TTC28: variants seen among roughly 807,000 people sequenced by gnomAD.
TTC28 encodes tetratricopeptide repeat domain 28.
In TTC28, 61 loss-of-function variants were observed where a neutral mutation model predicts 198.0. The observed-to-expected ratio is 0.31, with a 90% CI of 0.25 to 0.38. TTC28 has a LOEUF of 0.38. TTC28 is among the 10% of genes least tolerant of loss of function. TTC28 has a pLI of 1.00. For synonymous variants in TTC28, 1,171 were observed against 1,297.8 expected, an observed-to-expected ratio of 0.90 and a Z score of 2.10; for missense variants, 2,678 against 3,164.0, an observed-to-expected ratio of 0.85 and a Z score of 3.69.
chr22:28,491,966 T>C (rs1422590559), intron 2 of TTC28, among the ~76,000 whole-genome samples: 1 of 152,128 alleles, frequency 6.6e-6, no homozygotes, highest in Non-Finnish European at 1.5e-5. Context: ...TGTAGGGACA[T>C]GGATGAAGCT....
intron 2 of TTC28, among the ~76,000 whole-genome samples, chr22:28,421,674 G>A (rs1015880799): frequency 1.3e-5 from 2 of 152,186 alleles, no homozygotes; most frequent in South Asian, 2.1e-4. Flanking sequence ...TGGGCCGGGT[G>A]CGGTGGCTCA....
chr22:27,996,496 G>A, intron 16 of TTC28: 1 of 533,264 alleles, frequency 1.9e-6, no homozygotes, highest in Non-Finnish European at 3.2e-6. Flanking sequence ...AGTGGGGCCT[G>A]CTATTTTGCA....
intron 1 of TTC28, among the ~76,000 whole-genome samples, chr22:28,636,693 G>GT (rs1302931571): frequency 6.6e-6 from 1 of 151,932 alleles, no homozygotes; most frequent in Admixed American, 6.6e-5. Flanking sequence ...TTATATTCAG[G>GT]TATTTCGCTC....
chr22:28,334,349 T>C (rs1291524587), intron 2 of TTC28, among the ~76,000 whole-genome samples: 1 of 152,170 alleles, frequency 6.6e-6, no homozygotes, highest in Non-Finnish European at 1.5e-5. Flanking sequence ...TGTTTTATAA[T>C]CCTTTGGGTA....
At chr22:28,530,746 G>A (rs1358079727) in intron 2 of TTC28, among the ~76,000 whole-genome samples, 4 of 152,168 alleles carry the variant, frequency 2.6e-5, no homozygotes, top group Non-Finnish European at 4.4e-5. Flanking sequence ...GAGAGTGGGG[G>A]CCAATATTCA....
chr22:28,411,740 C>T (rs2047085023), intron 2 of TTC28, among the ~76,000 whole-genome samples: 1 of 152,138 alleles, frequency 6.6e-6, no homozygotes, highest in African/African-American at 2.4e-5. Flanking sequence ...CACTATATAC[C>T]TAGCAGTGTA....
chr22:28,612,644 T>C (rs928862652), intron 2 of TTC28, among the ~76,000 whole-genome samples: 5 of 152,120 alleles, frequency 3.3e-5, no homozygotes, highest in Non-Finnish European at 5.9e-5. Flanking sequence ...TCTCGGCCCA[T>C]AGTGCAATCA....
intron 2 of TTC28, among the ~76,000 whole-genome samples, chr22:28,371,791 A>G (rs918008052): frequency 1.7e-4 from 25 of 147,820 alleles, no homozygotes; most frequent in African/African-American, 6.0e-4. Flanking sequence ...CATCTTGGCC[A>G]GGCTGGTCTT....
chr22:28,568,419 C>G (rs190312042), intron 2 of TTC28, among the ~76,000 whole-genome samples: 30 of 152,292 alleles, frequency 2.0e-4, no homozygotes, highest in African/African-American at 6.7e-4. Flanking sequence ...AGAAGTCAAA[C>G]TATCTCTCTT....
intron 6 of TTC28, among the ~76,000 whole-genome samples, chr22:28,141,921 A>G (rs1383389421): frequency 6.6e-6 from 1 of 152,218 alleles, no homozygotes; most frequent in Non-Finnish European, 1.5e-5. Context: ...GAGTCTCTTC[A>G]GTACTTCTTA....
chr22:28,192,665 T>C (rs28865637), intron 5 of TTC28, among the ~76,000 whole-genome samples: 41,808 of 151,918 alleles, frequency 0.28, 7,026 homozygotes, highest in Middle Eastern at 0.42. Flanking sequence ...CAGCAGCCGA[T>C]TCAATCAAGT....
At chr22:28,224,770 C>T (rs1928161619) in intron 5 of TTC28, among the ~76,000 whole-genome samples, 1 of 152,146 alleles carries the variant, frequency 6.6e-6, no homozygotes, top group Non-Finnish European at 1.5e-5. Context: ...CCCAGCTGAA[C>T]TTCTTGCCCC....
intron 2 of TTC28, among the ~76,000 whole-genome samples, chr22:28,627,495 G>T (rs555738036): frequency 1.4e-5 from 2 of 147,812 alleles, no homozygotes; most frequent in African/African-American, 5.0e-5. Flanking sequence ...GCAGTGGTGC[G>T]ATCTCAGCTC....
chr22:28,604,297 T>TTATATATATATATATATATA (rs35077140), intron 2 of TTC28, among the ~76,000 whole-genome samples: 70 of 114,036 alleles, frequency 6.1e-4, no homozygotes, highest in Non-Finnish European at 1.0e-3. Context: ...AAAAAAAAAA[T>TTATATATATATATATATATA]TATATATATA....
intron 6 of TTC28, among the ~76,000 whole-genome samples, chr22:28,145,968 G>T (rs1943460232): frequency 6.6e-6 from 1 of 152,184 alleles, no homozygotes; most frequent in Non-Finnish European, 1.5e-5. Flanking sequence ...TAAGCATCTT[G>T]TCCAGGCTCA....
intron 5 of TTC28, among the ~76,000 whole-genome samples, chr22:28,208,356 TA>T (rs1202310721): frequency 6.6e-6 from 1 of 152,096 alleles, no homozygotes; most frequent in Non-Finnish European, 1.5e-5. Flanking sequence ...AGTATGCAAC[TA>T]AAAGAACATA....
chr22:28,647,983 G>A (rs1310504496), intron 1 of TTC28, among the ~76,000 whole-genome samples: 1 of 151,800 alleles, frequency 6.6e-6, no homozygotes, highest in Non-Finnish European at 1.5e-5. Flanking sequence ...CCAGCACTTT[G>A]GGAGGCCGAG....
At chr22:28,053,863 C>A (rs1032611734) in intron 12 of TTC28, among the ~76,000 whole-genome samples, 1 of 152,142 alleles carries the variant, frequency 6.6e-6, no homozygotes, top group Admixed American at 6.5e-5. Context: ...AGAAACTGTT[C>A]ATTGGTATCC....
intron 2 of TTC28, among the ~76,000 whole-genome samples, chr22:28,345,516 G>A (rs2045891522): frequency 1.3e-5 from 2 of 152,146 alleles, no homozygotes; most frequent in Non-Finnish European, 2.9e-5. Context: ...GACCTTTTAT[G>A]GATCTGCCTG....
Sources: allele counts gnomAD v4.1 joint callset (sites outside exome capture counted in the v4.1 genomes callset), GRCh38; gene constraint gnomAD v4.1.1; transcripts MANE v1.5; gene names NCBI Gene and HGNC (gene_info 2026-07-23, HGNC 2026-07-21).